PCDHGA1: variants seen among roughly 807,000 people sequenced by gnomAD.
The protein encoded by PCDHGA1 is protocadherin gamma subfamily A, 1.
A neutral mutation model predicts 58.0 loss-of-function variants in PCDHGA1; 32 were observed. The ratio of observed to expected loss-of-function variants is 0.55; its 90% CI spans 0.42 to 0.74. PCDHGA1 has a LOEUF of 0.74. PCDHGA1 is among the 30% of genes least tolerant of loss of function. PCDHGA1 has a pLI of 0.00. For missense variants in PCDHGA1, 1,205 were observed against 1,182.3 expected (o/e 1.02, Z -0.28); for synonymous variants, 498 against 501.1 (o/e 0.99, Z 0.08).
In PCDHGA1 at chr5:141,486,885, G is replaced by C. The variant is rs139638334; in HGVS notation, c.2422-7922G>C. 1.2e-6 allele frequency: 2 copies of C among 1,614,076 alleles called. No individual in the cohort carries two copies. Among genetic ancestry groups the C allele is most frequent in the East Asian group, 4.5e-5 (2 of 44,892 alleles). On this transcript the variant is annotated intron_variant, in intron 1 of 3. Coordinates refer to ENST00000517417, the MANE Select transcript of PCDHGA1 (RefSeq NM_018912.3). This position sits in a 1 kb window ranked among gnomAD's most constrained non-coding sequence, Gnocchi z 5.0. ...CCAGCTGTGCTCCGTCCTCGGGCCC[G>C]GCCTGGTTCCTTATGTCCCCAAGCA...
At chr5:141,453,071 C>G (rs561248978) in intron 1 of PCDHGA1, among the ~76,000 whole-genome samples, 13 of 152,150 alleles carry the variant, frequency 8.5e-5, no homozygotes, top group South Asian at 2.1e-4. Flanking sequence ...TTTTGCCACA[C>G]TCTGGTTGAT....
At chr5:141,446,669 C>T (rs554578186) in intron 1 of PCDHGA1, among the ~76,000 whole-genome samples, 2 of 152,182 alleles carry the variant, frequency 1.3e-5, no homozygotes, top group Admixed American at 1.3e-4. Flanking sequence ...TACAAGACAG[C>T]ATTTCACCAT....
intron 1 of PCDHGA1, chr5:141,378,905 C>T (rs1043140389): frequency 1.3e-5 from 2 of 152,088 alleles, no homozygotes; most frequent in African/African-American, 4.8e-5. Context: ...ATTCTGTTAT[C>T]GACAGTCTTC....
chr5:141,428,223 A>C (rs539110667), intron 1 of PCDHGA1: 30 of 1,169,680 alleles, frequency 2.6e-5, no homozygotes, highest in Admixed American at 2.5e-4. Flanking sequence ...TAGTCTTCGC[A>C]GACAGCCTGC....
chr5:141,412,987 A>C lies in PCDHGA1; in HGVS notation c.2421+79882A>C, dbSNP rs192699644. Reference sequence around the variant, plus strand: ...AGGAGAGAAAACGCAGCCAGAGCTCAATCCGGATTCTCAGGGCTTCAACTA... The same window carrying C: ...AGGAGAGAAAACGCAGCCAGAGCTCCATCCGGATTCTCAGGGCTTCAACTA... On this transcript the variant is annotated intron_variant, in intron 1 of 3. Transcript: ENST00000517417. The C allele has an allele frequency of 5.3e-6, 3 of 564,534 alleles. No homozygotes were observed. In the African/African-American group the frequency reaches 5.7e-5, roughly 11 times the overall value. The allele number at this position is 564,534 out of a possible 1,614,324, so 35.0% of individuals were successfully genotyped here.
chr5:141,478,642 T>A (rs777741719), intron 1 of PCDHGA1: 1 of 1,552,350 alleles, frequency 6.4e-7, no homozygotes, highest in South Asian at 1.2e-5. Context: ...GTGATGAAGA[T>A]GTTTTCCTGG....
chr5:141,362,277 C>CAAT (rs770934690), intron 1 of PCDHGA1: 12 of 1,614,048 alleles, frequency 7.4e-6, no homozygotes, highest in Non-Finnish European at 9.3e-6. Flanking sequence ...TCTCCCTGCG[C>CAAT]CTGCGACTCT....
Position 141,511,165 on chromosome 5 carries a change from A to G in PCDHGA1, c.2788A>G (p.Lys930Glu). 1 of 1,614,096 alleles carries G rather than the reference A, an allele frequency of 6.2e-7. No homozygotes were observed. Among genetic ancestry groups the G allele is most frequent in the East Asian group, 2.2e-5 (1 of 44,870 alleles). ...CAAGAAGAAGTCGGGCAAGAAGGAGAAGAAGTAACATGGAGGCCAGGCCAA... is the reference window on the plus strand; with the variant it reads ...CAAGAAGAAGTCGGGCAAGAAGGAGGAGAAGTAACATGGAGGCCAGGCCAA... ...GNKKKSGKKE[K>E]K Residue 930 changes from lysine (K) to glutamate (E), a missense_variant, in exon 4 of 4, where the codon AAG (lysine) becomes GAG (glutamate). Physicochemically the swap from Lys to Glu is moderately conservative, Grantham distance 56. Transcript: ENST00000517417.
At chr5:141,482,356 G>T (rs1330274684) in intron 1 of PCDHGA1, among the ~76,000 whole-genome samples, 1 of 152,236 alleles carries the variant, frequency 6.6e-6, no homozygotes, top group East Asian at 1.9e-4. Flanking sequence ...TGTTGTGAGA[G>T]TGAAAAGTAA....
intron 1 of PCDHGA1, among the ~76,000 whole-genome samples, chr5:141,462,337 T>C (rs1053544147): frequency 6.6e-6 from 1 of 152,260 alleles, no homozygotes; most frequent in Non-Finnish European, 1.5e-5. Context: ...TTAATTGTAT[T>C]GTGATCCAAA....
At chr5:141,472,332 G>A (rs566731120) in intron 1 of PCDHGA1, among the ~76,000 whole-genome samples, 1 of 152,116 alleles carries the variant, frequency 6.6e-6, no homozygotes, top group East Asian at 1.9e-4. Flanking sequence ...ACGAGGTTGG[G>A]AGATCGAGAC....
rs548016343 is a variant in PCDHGA1, at chr5:141,369,768, A to G, written c.2421+36663A>G. Among the ~76,000 whole-genome samples the G allele has an allele frequency of 7.2e-5, 11 of 152,370 alleles. No individual in the cohort carries two copies. The East Asian group carries it at 1.9e-3, about 27-fold the overall frequency. ...TGCAATAAGAATACACGTGAAGCTG[A>G]TATTTCAAGCCTCTTTATACTACGT... is the stretch of plus-strand genomic sequence containing the variant. On this transcript the variant is annotated intron_variant, in intron 1 of 3. Coordinates refer to ENST00000517417, the MANE Select transcript of PCDHGA1 (RefSeq NM_018912.3).
chr5:141,330,895 A>G lies in PCDHGA1; in HGVS notation c.211A>G (p.Arg71Gly). 1 of 1,614,248 alleles carries G rather than the reference A, an allele frequency of 6.2e-7. No individual in the cohort carries two copies. Among genetic ancestry groups the G allele is most frequent in the Non-Finnish European group, 8.5e-7 (1 of 1,180,040 alleles). The change falls in exon 1 of 4, where the codon AGG becomes GGG. Residue 71 changes from arginine (R) to glycine (G), a missense_variant. Transcript: ENST00000517417. ...DGGVRIVSRG[R>G]MPLFALNPRS... Reference sequence around the variant, plus strand: ...CGGAGTCCGCATCGTCTCCAGAGGTAGGATGCCGCTTTTCGCTCTGAATCC... The same window carrying G: ...CGGAGTCCGCATCGTCTCCAGAGGTGGGATGCCGCTTTTCGCTCTGAATCC...
At chr5:141,418,369 C>G (rs763319499) in intron 1 of PCDHGA1, 62 of 1,613,842 alleles carry the variant, frequency 3.8e-5, no homozygotes, top group Non-Finnish European at 4.8e-5. Context: ...TGAGCAAATA[C>G]CAACTAAGTC....
At chr5:141,370,444 T>C in intron 1 of PCDHGA1, 2 of 1,607,792 alleles carry the variant, frequency 1.2e-6, no homozygotes, top group Non-Finnish European at 1.7e-6. Context: ...AGGCGAATGC[T>C]ATTTCTCTTC....
chr5:141,398,711 C>T, intron 1 of PCDHGA1: 2 of 1,613,822 alleles, frequency 1.2e-6, no homozygotes, highest in South Asian at 1.1e-5. Context: ...CCGGAACTGG[C>T]ACTGGAGAAA....
At chr5:141,501,569 G>A (rs1401631416) in intron 2 of PCDHGA1, among the ~76,000 whole-genome samples, 3 of 151,998 alleles carry the variant, frequency 2.0e-5, no homozygotes, top group African/African-American at 7.2e-5. Flanking sequence ...AATCATATTA[G>A]GCTGGCTTTC....
intron 1 of PCDHGA1, chr5:141,430,781 C>A: frequency 6.6e-7 from 1 of 1,510,922 alleles, no homozygotes; most frequent in Non-Finnish European, 8.8e-7. Context: ...GCGACTGCAC[C>A]GGGACTACAA....
rs1779505290 is a variant in PCDHGA1, at chr5:141,383,837, C to A, written c.2421+50732C>A. On this transcript the variant is annotated intron_variant, in intron 1 of 3. Transcript: ENST00000517417. ...GAAGGATTAGATTATGAAGAAACTG[C>A]CTTCTATGAAATGGAGGTTCAGGCT... 1 of 1,613,886 alleles carries A rather than the reference C, an allele frequency of 6.2e-7. No homozygotes were observed. The highest frequency in any genetic ancestry group is 1.1e-5 in the South Asian group (1 of 91,078).
Sources: gnomAD v4.1 joint callset for allele counts (sites outside exome capture counted in the v4.1 genomes callset) on GRCh38, gnomAD v4.1.1 for gene constraint, Gnocchi (gnomAD v3.1) non-coding constraint, MANE v1.5 for transcripts, NCBI Gene and HGNC (gene_info 2026-07-23, HGNC 2026-07-21) for gene names.